Variants in VNN2 observed in about 807,000 individuals in gnomAD.
The protein encoded by VNN2 is vanin 2, also known as pantetheine hydrolase VNN2.
VNN2 carries 43 observed loss-of-function variants against 43.0 expected under a neutral mutation model. The observed-to-expected ratio is 1.00, with a 90% CI of 0.78 to 1.29. The LOEUF is 1.29. VNN2 is among the 50% of genes most tolerant of loss of function. VNN2 has a pLI of 0.00. For missense variants in VNN2, 652 were observed against 619.7 expected (o/e 1.05, Z -0.55); for synonymous variants, 230 against 224.3 (o/e 1.03, Z -0.23).
intron 6 of VNN2, among the ~76,000 whole-genome samples, chr6:132,746,673 G>T (rs1022798667): frequency 1.3e-5 from 2 of 152,052 alleles, no homozygotes; most frequent in Non-Finnish European, 2.9e-5. Context: ...TTCCAAGAAT[G>T]CCCAACTCCT....
chr6:132,751,782 T>C (rs1780122351), intron 4 of VNN2, among the ~76,000 whole-genome samples: 1 of 152,234 alleles, frequency 6.6e-6, no homozygotes, highest in Non-Finnish European at 1.5e-5. Flanking sequence ...TTAAACCAAC[T>C]ACAAAAATCT....
upstream of VNN2, chr6:132,758,000 TTTC>T (rs60545394): frequency 1.4e-3 from 493 of 341,582 alleles, 8 homozygotes; most frequent in South Asian, 6.6e-3. Flanking sequence ...TATCATCATT[TTTC>T]TTCTTCTTCT....
chr6:132,751,295 T>G lies in VNN2; in HGVS notation c.1050A>C (p.Glu350Asp), dbSNP rs33961621. ...FISRDGFNFT[E>D]LFENAGNLTV... is the part of the protein sequence containing the mutation. ...TAAGGTTTCCTGCATTTTCAAAAAG[T>G]TCTGTGAAGTTGAACCCATCCCTGG... Residue 350 changes from glutamate (E) to aspartate (D), a missense_variant, in exon 5 of 7, where the codon GAA becomes GAC. By Grantham distance (45) the Glu-to-Asp change is conservative. Transcript: ENST00000326499. 6.2e-7 allele frequency: 1 copy of G among 1,614,130 alleles called. No homozygotes were observed. The highest frequency in any genetic ancestry group is 8.5e-7 in the Non-Finnish European group (1 of 1,180,028).
intron 1 of VNN2, 55 bp from the exon 2 acceptor site, chr6:132,757,601 C>T (rs1780556530): frequency 6.2e-7 from 1 of 1,607,734 alleles, no homozygotes; most frequent in African/African-American, 1.3e-5. Flanking sequence ...ACAGACAATT[C>T]AGCTCTCTCG....
At chr6:132,746,644 G>A (rs1011019962) in intron 6 of VNN2, among the ~76,000 whole-genome samples, 3 of 152,014 alleles carry the variant, frequency 2.0e-5, no homozygotes, top group African/African-American at 4.8e-5. Context: ...TCAGGCTTCT[G>A]TGGGTTCTTG....
chr6:132,749,391 G>A (rs943422410), intron 6 of VNN2, among the ~76,000 whole-genome samples: 1 of 152,194 alleles, frequency 6.6e-6, no homozygotes, highest in African/African-American at 2.4e-5. Context: ...ACCACGGGGA[G>A]AGATGGCCTT....
At chr6:132,754,747 T>A (rs1240497850) in intron 3 of VNN2, among the ~76,000 whole-genome samples, 3 of 152,252 alleles carry the variant, frequency 2.0e-5, no homozygotes, top group Admixed American at 1.3e-4. Flanking sequence ...GGTTTGATCT[T>A]AAATCTATAA....
intron 6 of VNN2, among the ~76,000 whole-genome samples, chr6:132,748,294 T>C (rs1420356140): frequency 6.6e-6 from 1 of 152,204 alleles, no homozygotes; most frequent in African/African-American, 2.4e-5. Flanking sequence ...ACTTCAGCTT[T>C]TATTCCAGCC....
In VNN2 at chr6:132,752,872, G is replaced by A. The variant is rs537545112; in HGVS notation, c.538-123C>T. ...AACTGCAGGGAATCTCCTAGGAAGCGGATAAATCTGGCAATTGGAAGTAAA... is the reference window on the plus strand; with the variant it reads ...AACTGCAGGGAATCTCCTAGGAAGCAGATAAATCTGGCAATTGGAAGTAAA... On this transcript the variant is annotated intron_variant, in intron 3 of 6. Coordinates refer to ENST00000326499, the MANE Select transcript of VNN2 (RefSeq NM_004665.6). 9.5e-5 allele frequency: 99 copies of A among 1,044,342 alleles called. 1 individual carries two copies. The highest frequency in any genetic ancestry group is 7.5e-4 in the South Asian group (46 of 60,966). The allele number at this position is 1,044,342 out of a possible 1,614,324, so 64.7% of individuals were successfully genotyped here.
upstream of VNN2, among the ~76,000 whole-genome samples, chr6:132,762,899 T>C (rs117190519): frequency 1.7e-3 from 255 of 152,268 alleles, no homozygotes; most frequent in Middle Eastern, 3.4e-3. Flanking sequence ...GTTGCAGAAG[T>C]CCCTTTGAGT....
At position 132,751,244 on chromosome 6, in the gene VNN2, A is replaced by G. The variant is rs1349264107; in HGVS notation, c.1101T>C (p.Cys367=). ...TTTGTAACATTCTGTAGCTTAAATGACAGCAAAGCTCCTTTTGACAGACTG... is the reference window on the plus strand; with the variant it reads ...TTTGTAACATTCTGTAGCTTAAATGGCAGCAAAGCTCCTTTTGACAGACTG... ...NLTVCQKELC[C]HLSYRMLQKE... Residue 367 remains cysteine (C), a synonymous_variant, in exon 5 of 7, where the codon TGT becomes TGC. Coordinates refer to ENST00000326499, the MANE Select transcript of VNN2 (RefSeq NM_004665.6). The G allele has an allele frequency of 1.9e-6, 3 of 1,614,076 alleles. No individual in the cohort carries two copies. Among genetic ancestry groups the G allele is most frequent in the Non-Finnish European group, 1.7e-6 (2 of 1,180,042 alleles).
At chr6:132,754,869 A>C (rs1382544138) in intron 3 of VNN2, among the ~76,000 whole-genome samples, 1 of 152,208 alleles carries the variant, frequency 6.6e-6, no homozygotes, top group African/African-American at 2.4e-5. Context: ...TACCATTTCA[A>C]TATTAAATAG....
intron 2 of VNN2, 139 bp from the exon 3 acceptor site, chr6:132,756,174 A>G: frequency 1.2e-6 from 1 of 802,614 alleles, no homozygotes; most frequent in Non-Finnish European, 1.9e-6. Flanking sequence ...CATACTTTAA[A>G]AGCCACAGAT....
At chr6:132,747,070 G>A (rs1210396230) in intron 6 of VNN2, among the ~76,000 whole-genome samples, 1 of 152,052 alleles carries the variant, frequency 6.6e-6, no homozygotes, top group African/African-American at 2.4e-5. Flanking sequence ...AAATGGTCTG[G>A]AGCAGGTAAG....
At position 132,751,368 on chromosome 6, in the gene VNN2, G is replaced by T; in HGVS notation, c.977C>A (p.Thr326Asn). The part of the protein sequence containing the change: ...TAVNWNAYAT[T>N]IKPFPVQKNT... ...TTTCTGTACTGGAAATGGTTTGATGGTGGTGGCGTAGGCATTCCAATTAAC... is the reference window on the plus strand; with the variant it reads ...TTTCTGTACTGGAAATGGTTTGATGTTGGTGGCGTAGGCATTCCAATTAAC... The change falls in exon 5 of 7, where the codon ACC (threonine) becomes AAC (asparagine). Residue 326 changes from threonine (T) to asparagine (N), a missense_variant. Transcript: ENST00000326499. 3 of 1,614,160 alleles carry T rather than the reference G, an allele frequency of 1.9e-6. No homozygotes were observed. Among genetic ancestry groups the T allele is most frequent in the Non-Finnish European group, 2.5e-6 (3 of 1,180,014 alleles).
At chr6:132,750,878 C>T (rs1041496378) in intron 5 of VNN2, among the ~76,000 whole-genome samples, 4 of 152,044 alleles carry the variant, frequency 2.6e-5, no homozygotes, top group South Asian at 2.1e-4. Context: ...TTAGTCAAAT[C>T]GAAACTCATC....
At chr6:132,762,556 C>G (rs1054196792), upstream of VNN2, among the ~76,000 whole-genome samples, 1 of 152,196 alleles carries the variant, frequency 6.6e-6, no homozygotes, top group Non-Finnish European at 1.5e-5. Context: ...GAGACTGAGT[C>G]AGGCCCTGTA....
upstream of VNN2, among the ~76,000 whole-genome samples, chr6:132,759,438 C>CA (rs58195059): frequency 0.026 from 1,788 of 68,446 alleles, 75 homozygotes; most frequent in African/African-American, 0.053. Context: ...AACTCCGTCT[C>CA]AAAAAAAAAA....
In VNN2 at chr6:132,757,418, G is replaced by T. The variant is rs765993318; in HGVS notation, c.342C>A (p.His114Gln). Residue 114 changes from histidine to glutamine, a missense_variant and splice_region_variant, in exon 2 of 7, where the codon CAC becomes CAA. His to Gln is a conservative substitution (Grantham distance 24, BLOSUM62 0). Transcript: ENST00000326499. ...AAAGACTAAGATAGTTAAAATACCT[G>T]TGGGGGTCTTGACACGGAATCCAGT... The part of the protein sequence containing the change: ...QVNWIPCQDP[H>Q]RFGHTPVQAR... 1 of 1,602,590 alleles carries T rather than the reference G, an allele frequency of 6.2e-7. No individual in the cohort carries two copies. The highest frequency in any genetic ancestry group is 1.1e-5 in the South Asian group (1 of 88,778).
Sources: gnomAD v4.1 joint callset for allele counts (sites outside exome capture counted in the v4.1 genomes callset) on GRCh38, gnomAD v4.1.1 for gene constraint, MANE v1.5 for transcripts, NCBI Gene and HGNC (gene_info 2026-07-23, HGNC 2026-07-21) for gene names.